Variants in AUTS2 observed in about 807,000 individuals in gnomAD.
AUTS2 encodes activator of transcription and developmental regulator AUTS2.
In AUTS2, 17 loss-of-function variants were observed where a neutral mutation model predicts 112.4. That is an observed-to-expected ratio of 0.15 (90% CI 0.10 to 0.23). AUTS2 has a LOEUF of 0.23. AUTS2 is among the 10% of genes least tolerant of loss of function. The pLI, the probability that AUTS2 is intolerant of heterozygous loss-of-function variation, is 1.00. For synonymous variants in AUTS2, 751 were observed against 702.7 expected (o/e 1.07, Z -1.09); for missense variants, 1,510 against 1,701.6 (o/e 0.89, Z 1.98).
intron 1 of AUTS2, among the ~76,000 whole-genome samples, chr7:69,789,285 G>T (rs1381705763): frequency 6.6e-6 from 1 of 152,122 alleles, no homozygotes; most frequent in Admixed American, 6.6e-5. Flanking sequence ...GTATGCCCAG[G>T]CTGCATCCAG....
intron 4 of AUTS2, among the ~76,000 whole-genome samples, chr7:70,368,607 G>T (rs1252185428): frequency 1.3e-5 from 2 of 152,112 alleles, no homozygotes; most frequent in African/African-American, 4.8e-5. Context: ...TTTTATCTCT[G>T]CCCCTCAGAG....
chr7:70,523,467 G>C (rs1799721617), intron 5 of AUTS2, among the ~76,000 whole-genome samples: 1 of 152,186 alleles, frequency 6.6e-6, no homozygotes, highest in South Asian at 2.1e-4. Flanking sequence ...AATCAGAAGT[G>C]CAAGTGGTAA....
intron 2 of AUTS2, among the ~76,000 whole-genome samples, chr7:69,976,628 A>G (rs985370719): frequency 6.6e-6 from 1 of 152,150 alleles, no homozygotes; most frequent in Non-Finnish European, 1.5e-5. Context: ...ATCCTCTTCA[A>G]TACTTGTTCT....
chr7:70,002,271 T>C (rs1740682101), intron 2 of AUTS2, among the ~76,000 whole-genome samples: 1 of 152,182 alleles, frequency 6.6e-6, no homozygotes, highest in South Asian at 2.1e-4. Context: ...TCTCCCATAA[T>C]CTCTTTGTGA....
chr7:69,901,076 G>A (rs1002769907), intron 2 of AUTS2, among the ~76,000 whole-genome samples: 2 of 152,096 alleles, frequency 1.3e-5, no homozygotes, highest in East Asian at 3.9e-4. Context: ...CTCTAGTTCC[G>A]TGGTTTGTTC....
intron 1 of AUTS2, among the ~76,000 whole-genome samples, chr7:69,689,557 G>A (rs1343034048): frequency 6.6e-6 from 1 of 151,002 alleles, no homozygotes; most frequent in African/African-American, 2.4e-5. Context: ...GGCCAGGCTG[G>A]TCTTGAACTC....
intron 1 of AUTS2, among the ~76,000 whole-genome samples, chr7:69,624,561 C>T (rs1195904987): frequency 1.3e-5 from 2 of 152,202 alleles, no homozygotes; most frequent in Non-Finnish European, 2.9e-5. Flanking sequence ...GCAAACCCTG[C>T]ACTTAAGCTG....
intron 2 of AUTS2, among the ~76,000 whole-genome samples, chr7:70,058,483 A>G (rs1167577515): frequency 6.6e-6 from 1 of 152,196 alleles, no homozygotes; most frequent in Non-Finnish European, 1.5e-5. Flanking sequence ...AGGCATTTGT[A>G]GTCAATTTCT....
At chr7:70,660,686 C>T (rs928740583) in intron 5 of AUTS2, among the ~76,000 whole-genome samples, 15 of 152,164 alleles carry the variant, frequency 9.9e-5, no homozygotes, top group South Asian at 4.1e-4. Flanking sequence ...TGCATCCTGT[C>T]GTCATGTCCT....
intron 4 of AUTS2, among the ~76,000 whole-genome samples, chr7:70,411,804 A>AG (rs1794788476): frequency 6.6e-6 from 1 of 152,192 alleles, no homozygotes; most frequent in African/African-American, 2.4e-5. Flanking sequence ...ACAACATGGC[A>AG]GGTACTAAAC....
intron 2 of AUTS2, among the ~76,000 whole-genome samples, chr7:70,004,686 G>C (rs917229004): frequency 4.0e-5 from 6 of 151,242 alleles, no homozygotes; most frequent in Non-Finnish European, 2.9e-5. Context: ...TGCTTTTTGG[G>C]GCCGGGTGCA....
intron 4 of AUTS2, among the ~76,000 whole-genome samples, chr7:70,348,681 G>T (rs551828210): frequency 2.0e-5 from 3 of 152,250 alleles, no homozygotes; most frequent in African/African-American, 7.2e-5. Context: ...GAGGTGGCGG[G>T]CGCCTGTAGT....
intron 1 of AUTS2, among the ~76,000 whole-genome samples, chr7:69,724,973 A>T (rs1317409330): frequency 1.3e-5 from 2 of 152,228 alleles, no homozygotes; most frequent in Admixed American, 6.5e-5. Flanking sequence ...CATCAAAGGT[A>T]GGATTTTTTT....
At chr7:70,646,315 T>G (rs1014980825) in intron 5 of AUTS2, among the ~76,000 whole-genome samples, 4 of 152,150 alleles carry the variant, frequency 2.6e-5, no homozygotes, top group African/African-American at 9.7e-5. Flanking sequence ...TAAGGCAGAG[T>G]CCATGGGGTT....
At chr7:69,995,913 C>G (rs1798925381) in intron 2 of AUTS2, among the ~76,000 whole-genome samples, 1 of 152,186 alleles carries the variant, frequency 6.6e-6, no homozygotes, top group Non-Finnish European at 1.5e-5. Context: ...CAACCTGTCT[C>G]TCTCAAATTT....
At chr7:70,008,256 C>A (rs1799636536) in intron 2 of AUTS2, among the ~76,000 whole-genome samples, 1 of 151,726 alleles carries the variant, frequency 6.6e-6, no homozygotes. Context: ...CCTATGTTTT[C>A]CTTTATTTTA....
chr7:69,867,171 G>A (rs996767131), intron 1 of AUTS2, among the ~76,000 whole-genome samples: 1 of 149,618 alleles, frequency 6.7e-6, no homozygotes, highest in African/African-American at 2.5e-5. Context: ...GCCAGCTTAG[G>A]TGGTCTTTTC....
At chr7:70,293,958 A>G (rs1008793748) in intron 4 of AUTS2, 7 of 152,290 alleles carry the variant, frequency 4.6e-5, no homozygotes, top group Non-Finnish European at 8.8e-5. Flanking sequence ...GCACCCCTAA[A>G]ACTACCCCAC....
intron 4 of AUTS2, among the ~76,000 whole-genome samples, chr7:70,263,445 A>G (rs1191105076): frequency 6.6e-6 from 1 of 152,242 alleles, no homozygotes; most frequent in Non-Finnish European, 1.5e-5. Context: ...GTCTGATTAA[A>G]TAGTTTACAT....
Sources: allele counts gnomAD v4.1 joint callset (sites outside exome capture counted in the v4.1 genomes callset), GRCh38; gene constraint gnomAD v4.1.1; transcripts MANE v1.5; gene names NCBI Gene and HGNC (gene_info 2026-07-23, HGNC 2026-07-21).